ESS2: variants seen among roughly 807,000 people sequenced by gnomAD.
The protein encoded by ESS2 is splicing factor ESS-2 homolog.
ESS2 carries 31 observed loss-of-function variants against 52.0 expected under a neutral mutation model. The ratio of observed to expected loss-of-function variants is 0.60; its 90% CI spans 0.45 to 0.81. The LOEUF (loss-of-function observed/expected upper bound fraction) is 0.81, where lower values mean the gene tolerates loss of function less well. ESS2 is among the 30% of genes least tolerant of loss of function. ESS2 has a pLI of 0.00. For missense variants in ESS2, 602 were observed against 637.2 expected, an observed-to-expected ratio of 0.94 and a Z score of 0.59; for synonymous variants, 285 against 259.2, an observed-to-expected ratio of 1.10 and a Z score of -0.95.
intron 1 of ESS2, chr22:19,143,962 A>G: frequency 1.2e-6 from 1 of 865,158 alleles, no homozygotes; most frequent in Non-Finnish European, 1.4e-6. Context: ...CTTGCTCCCG[A>G]GCTGCATATC....
chr22:19,135,507 T>C (rs1235433542), intron 8 of ESS2, among the ~76,000 whole-genome samples: 1 of 152,252 alleles, frequency 6.6e-6, no homozygotes, highest in African/African-American at 2.4e-5. Flanking sequence ...CGCTTCCCCG[T>C]GTGCCTGTGG....
intron 1 of ESS2, among the ~76,000 whole-genome samples, 154 bp from the exon 2 acceptor site, chr22:19,143,048 T>C: frequency 6.6e-6 from 1 of 151,524 alleles, no homozygotes; most frequent in Admixed American, 6.6e-5. Context: ...CTACTAGAAA[T>C]ACAAAAATTA....
At position 19,132,644 on chromosome 22, in the gene ESS2, C is replaced by G; in HGVS notation, c.*1552G>C. On this transcript the variant is annotated 3_prime_UTR_variant, in exon 10 of 10. Coordinates refer to ENST00000252137, the MANE Select transcript of ESS2 (RefSeq NM_022719.3). The surrounding 1 kb of genome is among the most constrained non-coding windows in gnomAD (Gnocchi z 4.2). The stretch of plus-strand genomic sequence containing the variant: ...ATTACGTTCCATTAGCTTTCTTCCA[C>G]TTAGCAGCAAAGACGTTCCTTACTG... The G allele has an allele frequency of 1.4e-6, 1 of 698,958 alleles. No homozygotes were observed. The highest frequency in any genetic ancestry group is 1.9e-5 in the South Asian group (1 of 53,696). 43.3% of individuals were successfully genotyped at this position (698,958 alleles called of 1,614,324 possible). A position where few individuals can be genotyped will look rare whatever the true frequency, so the allele number is the denominator to read the frequency against.
rs2083561122 is a variant in ESS2 at position 19,135,177 on chromosome 22, T to C, written c.1036-2A>G. ...CTCCCTGCGGCCTGGCTCCAGGATC[T>C]ACAAGGTAGCAGGTGTGTGGGTAGC... On this transcript the variant is annotated splice_acceptor_variant, in intron 8 of 9. Coordinates refer to ENST00000252137, the MANE Select transcript of ESS2 (RefSeq NM_022719.3). LOFTEE classifies it high-confidence loss of function. 6.2e-7 allele frequency: 1 copy of C among 1,611,616 alleles called. No individual in the cohort carries two copies. The highest frequency in any genetic ancestry group is 1.3e-5 in the African/African-American group (1 of 74,884).
intron 8 of ESS2, 64 bp downstream of exon 8, chr22:19,137,259 G>A: frequency 8.1e-7 from 1 of 1,227,546 alleles, no homozygotes; most frequent in Non-Finnish European, 1.2e-6. Flanking sequence ...CTGAGCCACA[G>A]GCACTCAGGG....
At chr22:19,134,978 C>G (rs1417801639) in intron 9 of ESS2, 82 bp downstream of exon 9, 2 of 1,362,866 alleles carry the variant, frequency 1.5e-6, no homozygotes, top group African/African-American at 2.8e-5. Context: ...TGGGCCATGC[C>G]TCCACACGGT....
At chr22:19,135,881 T>C (rs2146092236) in intron 8 of ESS2, among the ~76,000 whole-genome samples, 1 of 151,498 alleles carries the variant, frequency 6.6e-6, no homozygotes, top group South Asian at 2.1e-4. Flanking sequence ...ACACACAAAA[T>C]TAGCTGGGCA....
intron 8 of ESS2, among the ~76,000 whole-genome samples, chr22:19,136,010 A>G (rs1036933470): frequency 2.0e-5 from 3 of 148,826 alleles, no homozygotes; most frequent in Non-Finnish European, 4.4e-5. Flanking sequence ...AGCCTGGGCA[A>G]CAGAGTGAAA....
intron 3 of ESS2, among the ~76,000 whole-genome samples, chr22:19,140,447 C>T (rs1259242950): frequency 1.3e-5 from 2 of 152,166 alleles, no homozygotes; most frequent in African/African-American, 4.8e-5. Context: ...CCTTACCTTA[C>T]CCACTCTTCT....
intron 8 of ESS2, among the ~76,000 whole-genome samples, chr22:19,135,610 G>A (rs546054536): frequency 3.9e-5 from 6 of 152,058 alleles, no homozygotes; most frequent in East Asian, 1.9e-4. Context: ...ACTGTGCTAC[G>A]CTGTGCACAT....
intron 3 of ESS2, among the ~76,000 whole-genome samples, chr22:19,140,904 C>G (rs943795230): frequency 3.3e-5 from 5 of 152,212 alleles, no homozygotes; most frequent in African/African-American, 1.2e-4. Context: ...GTTTCCTCAC[C>G]TGTAAACATG....
chr22:19,133,885 G>A lies in ESS2; in HGVS notation c.*311C>T, dbSNP rs1438184471. The A allele has an allele frequency of 6.8e-6, 2 of 292,202 alleles. No individual in the cohort carries two copies. The highest frequency in any genetic ancestry group is 1.3e-5 in the Non-Finnish European group (2 of 159,518). The allele number at this position is 292,202 out of a possible 1,614,324, so 18.1% of individuals were successfully genotyped here. A position where few individuals can be genotyped will look rare whatever the true frequency, so the allele number is the denominator to read the frequency against. ...GTCCTGAGACGTGATGCAGGCCCCAGGGCAAGGCTAGGGCTCGTGTGGGGA... is the reference window on the plus strand; with the variant it reads ...GTCCTGAGACGTGATGCAGGCCCCAAGGCAAGGCTAGGGCTCGTGTGGGGA... On this transcript the variant is annotated 3_prime_UTR_variant, in exon 10 of 10. Transcript: ENST00000252137.
At position 19,133,411 on chromosome 22, in the gene ESS2, ACT is replaced by A; in HGVS notation, c.*783_*784del. 1 of 152,566 alleles carries A rather than the reference ACT, an allele frequency of 6.6e-6. No individual in the cohort carries two copies. The highest frequency in any genetic ancestry group is 1.9e-4 in the East Asian group (1 of 5,154). 9.5% of individuals were successfully genotyped at this position (152,566 alleles called of 1,614,324 possible). A position where few individuals can be genotyped will look rare whatever the true frequency, so the allele number is the denominator to read the frequency against. On this transcript the variant is annotated 3_prime_UTR_variant, in exon 10 of 10. Transcript: ENST00000252137. The stretch of plus-strand genomic sequence containing the variant: ...CCCAGCCTGATCTGTCCAGCAACCC[ACT>A]GTTATCTGGGAGCTCCTGTTGGTGG...
At chr22:19,140,633 T>C (rs2083670191) in intron 3 of ESS2, among the ~76,000 whole-genome samples, 1 of 152,036 alleles carries the variant, frequency 6.6e-6, no homozygotes, top group African/African-American at 2.4e-5. Flanking sequence ...TGGAAAGTGG[T>C]ACTCCCACTG....
In ESS2 at chr22:19,140,598, C is replaced by A. The variant is rs542825142; in HGVS notation, c.401-574G>T. ...TGCTAAGCCACAACCCCAAACACCC[C>A]CCCCTCCGACCAACCCTGCCACCAT... On this transcript the variant is annotated intron_variant, in intron 3 of 9. Transcript: ENST00000252137. 1.6e-3 allele frequency among the ~76,000 whole-genome samples: 237 copies of A among 152,220 alleles called. 1 individual carries two copies. The highest frequency in any genetic ancestry group is 5.2e-3 in the African/African-American group (218 of 41,526).
At chr22:19,134,587 A>T (rs2083548814) in intron 9 of ESS2, 112 bp from the exon 10 acceptor site, 4 of 1,186,020 alleles carry the variant, frequency 3.4e-6, no homozygotes, top group Non-Finnish European at 4.6e-6. Flanking sequence ...AGTCACTCTG[A>T]GCTGAGGAGG....
In ESS2 at chr22:19,138,215, C is replaced by G. The variant is rs528925233; in HGVS notation, c.925G>C (p.Gly309Arg). ...ACTTGCCAGTGGGCACTTTTCTCAC[C>G]AGGGGCAGGGGAAGGAGTGGCAACA... ...GFVATPSPAP[G>R]VNESPMMTWG... The change falls in exon 7 of 10, where the codon GGT becomes CGT. Residue 309 changes from glycine (G) to arginine (R), a missense_variant and splice_region_variant. By Grantham distance (125) the Gly-to-Arg change is moderately radical (BLOSUM62 -2). Coordinates refer to ENST00000252137, the MANE Select transcript of ESS2 (RefSeq NM_022719.3). 2 of 1,614,016 alleles carry G rather than the reference C, an allele frequency of 1.2e-6. No homozygotes were observed. The highest frequency in any genetic ancestry group is 2.2e-5 in the East Asian group (1 of 44,872).
At chr22:19,136,450 C>T (rs2083584369) in intron 8 of ESS2, among the ~76,000 whole-genome samples, 1 of 152,172 alleles carries the variant, frequency 6.6e-6, no homozygotes, top group Non-Finnish European at 1.5e-5. Flanking sequence ...CACCTTTCCA[C>T]AATGTATGCT....
In ESS2 at chr22:19,131,740, G is replaced by C; in HGVS notation, c.*2456C>G. 1.2e-6 allele frequency: 2 copies of C among 1,614,030 alleles called. No homozygotes were observed. Among genetic ancestry groups the C allele is most frequent in the Non-Finnish European group, 1.7e-6 (2 of 1,179,944 alleles). On this transcript the variant is annotated 3_prime_UTR_variant, in exon 10 of 10. Transcript: ENST00000252137. This position sits in a 1 kb window ranked among gnomAD's most constrained non-coding sequence, Gnocchi z 5.7. ...GGAGCCCTGCATGAGGACGTGGCAC[G>C]CAAGATGTTCCGACAGCTCTCCTCC... is the stretch of plus-strand genomic sequence containing the variant.
Sources: gnomAD v4.1 joint callset for allele counts (sites outside exome capture counted in the v4.1 genomes callset) on GRCh38, gnomAD v4.1.1 for gene constraint, Gnocchi (gnomAD v3.1) non-coding constraint, MANE v1.5 for transcripts, NCBI Gene and HGNC (gene_info 2026-07-23, HGNC 2026-07-21) for gene names.